Variants in RAB40C observed in about 807,000 individuals in gnomAD.
The protein encoded by RAB40C is RAB40C, member RAS oncogene family.
Under a neutral mutation model 28.1 loss-of-function variants are expected in RAB40C, and 8 were observed. The ratio of observed to expected loss-of-function variants is 0.28; its 90% confidence interval spans 0.17 to 0.51. The LOEUF is 0.51. RAB40C is among the 20% of genes least tolerant of loss of function. RAB40C has a pLI of 0.97. For missense variants in RAB40C, 288 were observed against 405.9 expected (o/e 0.71, Z 2.50); for synonymous variants, 201 against 171.7 (o/e 1.17, Z -1.34).
At chr16:616,164 G>C (rs796107839) in intron 1 of RAB40C, among the ~76,000 whole-genome samples, 113 of 151,388 alleles carry the variant, frequency 7.5e-4, no homozygotes, top group African/African-American at 2.7e-3. Context: ...GCTGAGGCTA[G>C]ATAATGGCGT....
At chr16:601,436 C>A (rs1480155678) in intron 1 of RAB40C, among the ~76,000 whole-genome samples, 1 of 152,078 alleles carries the variant, frequency 6.6e-6, no homozygotes, top group Non-Finnish European at 1.5e-5. Flanking sequence ...TCGCCAGGAT[C>A]CGGCTCAGAG....
At chr16:598,954 G>T (rs140799238) in intron 1 of RAB40C, among the ~76,000 whole-genome samples, 102 of 152,318 alleles carry the variant, frequency 6.7e-4, no homozygotes, top group African/African-American at 2.4e-3. Context: ...TTCCCTGCCC[G>T]GGGCCGGCGG....
Position 618,249 on chromosome 16 carries a change from A to C in RAB40C, c.253A>C (p.Arg85=). Residue 85 remains arginine (R), a synonymous_variant, in exon 3 of 6, where the codon AGG becomes CGG. Transcript: ENST00000248139. ...RFCTIFRSYS[R]GAQGILLVYD... ...CTGCACCATCTTCAGGTCCTACTCC[A>C]GGGGCGCTCAGGTAAGACCAGCACC... 1 of 1,613,292 alleles carries C rather than the reference A, an allele frequency of 6.2e-7. No individual in the cohort carries two copies. Among genetic ancestry groups the C allele is most frequent in the Non-Finnish European group, 8.5e-7 (1 of 1,179,774 alleles).
intron 1 of RAB40C, among the ~76,000 whole-genome samples, chr16:594,589 G>C (rs181297683): frequency 6.6e-6 from 1 of 152,260 alleles, no homozygotes; most frequent in Non-Finnish European, 1.5e-5. Flanking sequence ...AATTCCAGGG[G>C]ACACTATCTT....
intron 4 of RAB40C, 112 bp from the exon 5 acceptor site, chr16:625,787 C>T (rs1356599038): frequency 8.9e-7 from 1 of 1,127,536 alleles, no homozygotes; most frequent in Non-Finnish European, 1.3e-6. Context: ...CCCACCTTGA[C>T]CTCCCACGGC....
At chr16:603,010 C>G (rs1030130634) in intron 1 of RAB40C, among the ~76,000 whole-genome samples, 2 of 152,166 alleles carry the variant, frequency 1.3e-5, no homozygotes, top group African/African-American at 2.4e-5. Context: ...TAGGGTCTCA[C>G]TGTGTTGCCC....
chr16:599,015 C>T (rs2036192648), intron 1 of RAB40C, among the ~76,000 whole-genome samples: 1 of 152,238 alleles, frequency 6.6e-6, no homozygotes, highest in South Asian at 2.1e-4. Flanking sequence ...TGTCGGCCAC[C>T]TGGGCACAGC....
rs940273582 is a variant in RAB40C at position 610,183 on chromosome 16, C to A, written c.143-7025C>A. 1.4e-4 allele frequency among the ~76,000 whole-genome samples: 21 copies of A among 152,150 alleles called. No homozygotes were observed. Among genetic ancestry groups the A allele is most frequent in the African/African-American group, 4.8e-4 (20 of 41,438 alleles). Reference sequence around the variant, plus strand: ...CAGCCGAGGCGCCGGTGGCTTTGCTCTGGTGGCAGGACAGGTGTTCTGACC... The same window carrying A: ...CAGCCGAGGCGCCGGTGGCTTTGCTATGGTGGCAGGACAGGTGTTCTGACC... On this transcript the variant is annotated intron_variant, in intron 1 of 5. Coordinates refer to ENST00000248139, the MANE Select transcript of RAB40C (RefSeq NM_021168.5). The surrounding 1 kb of genome is among the most constrained non-coding windows in gnomAD (Gnocchi z 4.6).
intron 1 of RAB40C, among the ~76,000 whole-genome samples, chr16:592,761 G>T (rs564829093): frequency 6.6e-6 from 1 of 152,372 alleles, no homozygotes; most frequent in Non-Finnish European, 1.5e-5. Context: ...ACATGAAGGC[G>T]TGCTTCTGAG....
intron 1 of RAB40C, chr16:616,975 C>A (rs1165563209): frequency 3.6e-6 from 2 of 555,352 alleles, no homozygotes; most frequent in African/African-American, 1.9e-5. Context: ...ATGGACCACG[C>A]TCCTGCCCTG....
In RAB40C at chr16:624,596, CTCT is replaced by C. The variant is rs1054626779; in HGVS notation, c.265-831_265-829del. On this transcript the variant is annotated intron_variant, in intron 3 of 5. Transcript: ENST00000248139. Reference sequence around the variant, plus strand: ...CCCTAATTTTCAGATGGACAGTGCCCTCTTCTTTCAGCCTCAGCCTCTTGTGTG... The same window carrying C: ...CCCTAATTTTCAGATGGACAGTGCCCTCTTTCAGCCTCAGCCTCTTGTGTG... The C allele has an allele frequency of 6.2e-5, 61 of 985,384 alleles. 1 individual carries two copies. In the African/African-American group the frequency reaches 9.9e-4, roughly 16 times the overall value. 61.0% of individuals were successfully genotyped at this position (985,384 alleles called of 1,614,324 possible). A position where few individuals can be genotyped will look rare whatever the true frequency, so the allele number is the denominator to read the frequency against.
At chr16:601,762 G>A (rs1162149557) in intron 1 of RAB40C, among the ~76,000 whole-genome samples, 1 of 147,654 alleles carries the variant, frequency 6.8e-6, no homozygotes, top group Non-Finnish European at 1.5e-5. Flanking sequence ...ATCCCCTGAG[G>A]CCGGGGGTTC....
chr16:616,333 TTTTATTTATTTA>T (rs57235517), intron 1 of RAB40C, among the ~76,000 whole-genome samples: 10 of 141,570 alleles, frequency 7.1e-5, no homozygotes, highest in Admixed American at 7.0e-5. Flanking sequence ...AGAAGCAGCA[TTTTATTTATTTA>T]TTTATTTATT....
intron 2 of RAB40C, 23 bp downstream of exon 2, chr16:617,291 C>G: frequency 6.2e-7 from 1 of 1,613,776 alleles, no homozygotes; most frequent in Non-Finnish European, 8.5e-7. Flanking sequence ...TGCGGCACTT[C>G]AGTTCCTGGG....
chr16:594,165 A>C (rs754302418), intron 1 of RAB40C, among the ~76,000 whole-genome samples: 19 of 152,170 alleles, frequency 1.2e-4, no homozygotes, highest in Non-Finnish European at 2.6e-4. Context: ...CCTTCCTGGG[A>C]GCAAGTTTTC....
chr16:593,938 G>T (rs942995710), intron 1 of RAB40C, among the ~76,000 whole-genome samples: 1 of 152,206 alleles, frequency 6.6e-6, no homozygotes, highest in Non-Finnish European at 1.5e-5. Context: ...CAGGAGTGTG[G>T]GTGGTGCACG....
At position 625,918 on chromosome 16, in the gene RAB40C, G is replaced by A; in HGVS notation, c.362G>A (p.Arg121Gln). 3 of 1,613,000 alleles carry A rather than the reference G, an allele frequency of 1.9e-6. No homozygotes were observed. Among genetic ancestry groups the A allele is most frequent in the African/African-American group, 1.3e-5 (1 of 75,060 alleles). Reference protein sequence around the residue: ...EIDEHAPGVPRILVGNRLHLA... With the variant: ...EIDEHAPGVPQILVGNRLHLA... ...CCCCAGCATGCACCCGGAGTCCCCC[G>A]GATCTTGGTTGGAAACCGGCTGCAC... The change falls in exon 5 of 6, where the codon CGG (arginine) becomes CAG (glutamine). Residue 121 changes from arginine (R) to glutamine (Q), a missense_variant. This residue lies in a region of RAB40C where 153 missense variants were observed against 262.4 expected (regional missense o/e 0.58). Coordinates refer to ENST00000248139, the MANE Select transcript of RAB40C (RefSeq NM_021168.5).
chr16:607,777 C>T (rs1245835524), intron 1 of RAB40C, among the ~76,000 whole-genome samples: 6 of 152,278 alleles, frequency 3.9e-5, no homozygotes, highest in African/African-American at 1.4e-4. Context: ...GGCGACAGAG[C>T]AAGACTCCGT....
chr16:616,365 A>ATTTAT (rs1285610834), intron 1 of RAB40C, among the ~76,000 whole-genome samples: 3 of 151,050 alleles, frequency 2.0e-5, no homozygotes, highest in Non-Finnish European at 4.4e-5. Context: ...TTATTTATTT[A>ATTTAT]TTGAGTACTG....
Sources: allele counts gnomAD v4.1 joint callset (sites outside exome capture counted in the v4.1 genomes callset), GRCh38; gene constraint gnomAD v4.1.1; regional missense constraint gnomAD v4.1.1; non-coding constraint Gnocchi (gnomAD v3.1); transcripts MANE v1.5; gene names NCBI Gene and HGNC (gene_info 2026-07-23, HGNC 2026-07-21).